The following ADAMTS18 variants were observed in gnomAD, a reference collection of about 807,000 sequenced individuals.
ADAMTS18 encodes the protein A disintegrin and metalloproteinase with thrombospondin motifs 18.
In ADAMTS18, 157 loss-of-function variants were observed where a neutral mutation model predicts 165.9. The observed-to-expected ratio is 0.95, with a 90% CI of 0.83 to 1.08. The LOEUF is 1.08. Ranked by LOEUF, ADAMTS18 falls within the 50% of genes least tolerant of loss-of-function variation. The pLI is 0.00. For synonymous variants in ADAMTS18, 782 were observed against 578.2 expected (o/e 1.35, Z -5.06); for missense variants, 2,040 against 1,534.0 (o/e 1.33, Z -5.51).
intron 3 of ADAMTS18, among the ~76,000 whole-genome samples, chr16:77,370,034 T>A (rs985544606): frequency 6.6e-6 from 1 of 152,296 alleles, no homozygotes; most frequent in East Asian, 1.9e-4. Context: ...TTAACATCTC[T>A]TCATGATAAA....
At chr16:77,304,048 G>C (rs2055638271) in intron 16 of ADAMTS18, among the ~76,000 whole-genome samples, 1 of 151,912 alleles carries the variant, frequency 6.6e-6, no homozygotes, top group African/African-American at 2.4e-5. Flanking sequence ...AAGTGCTACA[G>C]ATCCTATAAA....
At position 77,300,312 on chromosome 16, in the gene ADAMTS18, G is replaced by A. The variant is rs779796761; in HGVS notation, c.2625C>T (p.Ala875=). The A allele has an allele frequency of 4.3e-6, 7 of 1,614,142 alleles. No individual in the cohort carries two copies. The South Asian group carries it at 6.6e-5, about 15-fold the overall frequency. ...CTGACTGCACGATACTCCAGGTATA[G>A]GCAGGTCTTTTTGTGGCTGGTGGAG... ...NGTPPATKRP[A]YTWSIVQSEC... is the part of the protein sequence containing the mutation. The change falls in exon 17 of 23, where the codon GCC becomes GCT. Residue 875 remains alanine (A), a synonymous_variant. Coordinates refer to ENST00000282849, the MANE Select transcript of ADAMTS18 (RefSeq NM_199355.4).
intron 3 of ADAMTS18, among the ~76,000 whole-genome samples, chr16:77,376,882 T>A (rs1177641219): frequency 2.0e-5 from 3 of 146,456 alleles, no homozygotes; most frequent in African/African-American, 7.6e-5. Flanking sequence ...TGGGGTGATC[T>A]CAGCTCACTG....
intron 12 of ADAMTS18, 32 bp from the exon 13 acceptor site, chr16:77,326,070 G>C: frequency 6.3e-7 from 1 of 1,596,740 alleles, no homozygotes; most frequent in Non-Finnish European, 8.6e-7. Flanking sequence ...TTTAATGTTA[G>C]TAATCAAAGG....
intron 3 of ADAMTS18, among the ~76,000 whole-genome samples, chr16:77,384,397 C>G (rs2057076274): frequency 6.6e-6 from 1 of 152,064 alleles, no homozygotes; most frequent in Non-Finnish European, 1.5e-5. Context: ...AACATAAATC[C>G]CTGGCAAAGC....
intron 16 of ADAMTS18, among the ~76,000 whole-genome samples, chr16:77,317,111 T>C (rs1197035216): frequency 6.6e-6 from 1 of 152,224 alleles, no homozygotes; most frequent in Non-Finnish European, 1.5e-5. Flanking sequence ...AAGTCTGTTT[T>C]TTTATCTCAT....
At chr16:77,333,651 A>T (rs963683834) in intron 12 of ADAMTS18, among the ~76,000 whole-genome samples, 2 of 151,736 alleles carry the variant, frequency 1.3e-5, no homozygotes, top group East Asian at 3.9e-4. Context: ...TCCCATGTTC[A>T]ATTCAGCATT....
At chr16:77,325,595 G>C (rs1020761827) in intron 13 of ADAMTS18, among the ~76,000 whole-genome samples, 2 of 150,474 alleles carry the variant, frequency 1.3e-5, no homozygotes, top group Non-Finnish European at 3.0e-5. Context: ...AATGTCAAAG[G>C]TAAGTTGAGA....
intron 3 of ADAMTS18, among the ~76,000 whole-genome samples, chr16:77,369,742 T>C (rs2056849695): frequency 6.6e-6 from 1 of 152,184 alleles, no homozygotes; most frequent in African/African-American, 2.4e-5. Flanking sequence ...AAACTCATTC[T>C]ACATGGCCTG....
intron 12 of ADAMTS18, among the ~76,000 whole-genome samples, chr16:77,334,066 G>GTTATATATAATATA (rs2056238595): frequency 9.7e-6 from 1 of 102,762 alleles, no homozygotes; most frequent in Non-Finnish European, 1.9e-5. Flanking sequence ...TGCTATATAT[G>GTTATATATAATATA]CTATATATAA....
intron 3 of ADAMTS18, among the ~76,000 whole-genome samples, chr16:77,408,931 C>T (rs567761659): frequency 1.3e-5 from 2 of 152,056 alleles, no homozygotes; most frequent in South Asian, 2.1e-4. Flanking sequence ...GAGAGAAAGG[C>T]CATAGTCACA....
In ADAMTS18 at chr16:77,282,433, C is replaced by CAGAT. The variant is rs1308176883; in HGVS notation, c.*1519_*1522dup. ...GGCCACTTCTCTAGGCCAAGCCAAG[C>CAGAT]AGATTGAGAGAAGTTCCTAAGCATT... On this transcript the variant is annotated 3_prime_UTR_variant, in exon 23 of 23. Transcript: ENST00000282849. 1 of 151,952 alleles carries CAGAT rather than the reference C, an allele frequency of 6.6e-6. No individual in the cohort carries two copies. The highest frequency in any genetic ancestry group is 2.4e-5 in the African/African-American group (1 of 41,356). The allele number at this position is 151,952 out of a possible 1,614,324, so 9.4% of individuals were successfully genotyped here. A position where few individuals can be genotyped will look rare whatever the true frequency, so the allele number is the denominator to read the frequency against.
chr16:77,330,275 T>A (rs1456322456), intron 12 of ADAMTS18, among the ~76,000 whole-genome samples: 1 of 152,198 alleles, frequency 6.6e-6, no homozygotes, highest in African/African-American at 2.4e-5. Context: ...TTAGAAAAGT[T>A]CTAGAACACC....
chr16:77,371,295 T>G (rs1038749811), intron 3 of ADAMTS18, among the ~76,000 whole-genome samples: 4 of 152,198 alleles, frequency 2.6e-5, no homozygotes, highest in East Asian at 3.9e-4. Flanking sequence ...AATATTCATA[T>G]GGAACCACAA....
chr16:77,408,607 A>G (rs930533683), intron 3 of ADAMTS18, among the ~76,000 whole-genome samples: 29 of 152,334 alleles, frequency 1.9e-4, no homozygotes, highest in African/African-American at 6.5e-4. Flanking sequence ...AGAGAATTAG[A>G]GCACTCTATT....
chr16:77,434,710 G>A lies in ADAMTS18; in HGVS notation c.-15C>T. On this transcript the variant is annotated 5_prime_UTR_variant, in exon 1 of 23. Coordinates refer to ENST00000282849, the MANE Select transcript of ADAMTS18 (RefSeq NM_199355.4). ...GCGCACTCCATGGTCAGGTGCGGAC[G>A]CGGCGGCTGCGGGTGGCCAGACGCG... 7.0e-7 allele frequency: 1 copy of A among 1,432,008 alleles called. No homozygotes were observed. The highest frequency in any genetic ancestry group is 9.1e-7 in the Non-Finnish European group (1 of 1,094,660). The allele number at this position is 1,432,008 out of a possible 1,614,324, so 88.7% of individuals were successfully genotyped here.
At chr16:77,302,323 T>G (rs1279832957) in intron 16 of ADAMTS18, among the ~76,000 whole-genome samples, 8 of 152,212 alleles carry the variant, frequency 5.3e-5, no homozygotes, top group African/African-American at 1.9e-4. Context: ...GTATTTCAAA[T>G]GTAGCACTTA....
At chr16:77,334,690 T>C (rs1241747853) in intron 12 of ADAMTS18, among the ~76,000 whole-genome samples, 9 of 111,494 alleles carry the variant, frequency 8.1e-5, no homozygotes, top group African/African-American at 2.4e-4. Context: ...AGTATATATA[T>C]ATAGTATATA....
intron 3 of ADAMTS18, among the ~76,000 whole-genome samples, chr16:77,416,278 T>C (rs1183251176): frequency 1.3e-5 from 2 of 152,092 alleles, no homozygotes; most frequent in Non-Finnish European, 2.9e-5. Context: ...AAGAGCTCAG[T>C]GGCATGCACA....
Sources: allele counts gnomAD v4.1 joint callset (sites outside exome capture counted in the v4.1 genomes callset), GRCh38; gene constraint gnomAD v4.1.1; transcripts MANE v1.5; gene names NCBI Gene and HGNC (gene_info 2026-07-23, HGNC 2026-07-21).